Variants in PASD1 observed in about 807,000 individuals in gnomAD.
The protein encoded by PASD1 is circadian clock protein PASD1.
PASD1 carries 13 observed loss-of-function variants against 58.8 expected under a neutral mutation model. The ratio of observed to expected loss-of-function variants is 0.22; its 90% confidence interval spans 0.14 to 0.35. The LOEUF (loss-of-function observed/expected upper bound fraction) is 0.35, where lower values mean the gene tolerates loss of function less well. Among genes scored for constraint, PASD1 ranks in the 10% least tolerant of loss-of-function variants. The pLI is 1.00. For missense variants in PASD1, 734 were observed against 568.3 expected (o/e 1.29, Z -2.96); for synonymous variants, 236 against 216.7 (o/e 1.09, Z -0.78).
At chrX:151,576,696 CGTGT>C (rs1569397728) in intron 1 of PASD1, among the ~76,000 whole-genome samples, 1 of 111,498 alleles carries the variant, frequency 9.0e-6, no homozygotes, top group Admixed American at 9.5e-5. Flanking sequence ...TGTGTGCACA[CGTGT>C]GTATGTGTAC....
chrX:151,671,300 T>C, intron 12 of PASD1, 104 bp downstream of exon 12: 1 of 936,548 alleles, frequency 1.1e-6, no homozygotes, highest in Non-Finnish European at 1.5e-6. Context: ...TAGTCAATGG[T>C]GTCTGCCGGT....
At chrX:151,568,973 C>G (rs2012888519) in intron 1 of PASD1, among the ~76,000 whole-genome samples, 1 of 111,541 alleles carries the variant, frequency 9.0e-6, no homozygotes, top group African/African-American at 3.3e-5. Context: ...CCCAAGATCA[C>G]ACAGCTAGTG....
At chrX:151,611,081 C>T (rs56035326) in intron 3 of PASD1, among the ~76,000 whole-genome samples, 42,397 of 110,236 alleles carry the variant, frequency 0.38, 6,160 homozygotes, top group African/African-American at 0.44. Flanking sequence ...TAATATTCTC[C>T]AGTGTCTTAA....
chrX:151,616,684 CTT>C (rs1458197974), intron 4 of PASD1, among the ~76,000 whole-genome samples: 1 of 111,328 alleles, frequency 9.0e-6, no homozygotes, highest in Non-Finnish European at 1.9e-5. Context: ...GCAAATGAAA[CTT>C]TTAAAACGTA....
At chrX:151,585,012 T>A (rs768792052) in intron 1 of PASD1, among the ~76,000 whole-genome samples, 1 of 112,120 alleles carries the variant, frequency 8.9e-6, no homozygotes, top group African/African-American at 3.2e-5. Context: ...CAATGCTTTG[T>A]GTCTGTGGTG....
chrX:151,675,848 C>T (rs1388481295), intron 15 of PASD1, 149 bp from the exon 16 acceptor site: 3 of 604,705 alleles, frequency 5.0e-6, no homozygotes, highest in East Asian at 6.6e-5. Flanking sequence ...TCTGTAGCTC[C>T]TCCGTCTCCC....
intron 1 of PASD1, among the ~76,000 whole-genome samples, chrX:151,564,118 G>A (rs2012790134): frequency 8.9e-6 from 1 of 112,933 alleles, no homozygotes; most frequent in African/African-American, 3.2e-5. Flanking sequence ...ACCATAGGAG[G>A]CACCCATTGA....
At chrX:151,670,630 C>G (rs945747984) in intron 11 of PASD1, among the ~76,000 whole-genome samples, 4 of 111,894 alleles carry the variant, frequency 3.6e-5, no homozygotes, top group Non-Finnish European at 7.5e-5. Context: ...AGAAGAGTGC[C>G]TGGAACAAAG....
intron 9 of PASD1, among the ~76,000 whole-genome samples, chrX:151,657,552 A>G (rs1408572032): frequency 2.7e-5 from 3 of 111,648 alleles, no homozygotes; most frequent in African/African-American, 9.8e-5. Flanking sequence ...TTATTGGTCT[A>G]TTCAGGGATT....
chrX:151,582,273 G>A (rs1448698640), intron 1 of PASD1, among the ~76,000 whole-genome samples: 4 of 110,714 alleles, frequency 3.6e-5, no homozygotes, highest in Non-Finnish European at 7.6e-5. Flanking sequence ...TTGAGCCACC[G>A]CACCTGGCCC....
At chrX:151,640,754 G>A (rs757069492) in intron 8 of PASD1, among the ~76,000 whole-genome samples, 1 of 111,705 alleles carries the variant, frequency 9.0e-6, no homozygotes, top group Non-Finnish European at 1.9e-5. Context: ...GCATATTCCA[G>A]TGACTCACCA....
chrX:151,645,087 A>G (rs748325000), intron 8 of PASD1, among the ~76,000 whole-genome samples: 6 of 111,645 alleles, frequency 5.4e-5, no homozygotes, highest in African/African-American at 1.3e-4. Flanking sequence ...AAGATTTTAC[A>G]TTTCAGACAG....
rs912606440 is a variant in PASD1, at chrX:151,672,171, C to T, written c.1438-12C>T. ...ACACCAGGGTGCTTTTATCTGTTGC[C>T]TTTCGATGCAGCAGCAACTGGTGCA... is the stretch of plus-strand genomic sequence containing the variant. On this transcript the variant is annotated splice_polypyrimidine_tract_variant and intron_variant, in intron 13 of 15. Transcript: ENST00000370357. 82 of 1,140,943 alleles carry T rather than the reference C, an allele frequency of 7.2e-5. No individual in the cohort carries two copies. The highest frequency in any genetic ancestry group is 9.1e-5 in the Non-Finnish European group (79 of 864,546). The allele number at this position is 1,140,943 out of a possible 1,213,427, so 94.0% of individuals were successfully genotyped here.
chrX:151,628,381 T>A (rs1173991274), intron 8 of PASD1, among the ~76,000 whole-genome samples: 2 of 112,372 alleles, frequency 1.8e-5, no homozygotes, highest in Non-Finnish European at 3.8e-5. Context: ...TTAATTTTTG[T>A]ATAAGGTGTA....
chrX:151,648,780 A>G, intron 9 of PASD1, 78 bp downstream of exon 9: 1 of 1,073,193 alleles, frequency 9.3e-7, no homozygotes, highest in African/African-American at 1.8e-5. Context: ...AATGTGTGTT[A>G]CCAAGAAGTA....
At chrX:151,671,873 A>G in intron 13 of PASD1, 94 bp downstream of exon 13, 1 of 948,073 alleles carries the variant, frequency 1.1e-6, no homozygotes, top group South Asian at 2.3e-5. Flanking sequence ...GGTAGTGACT[A>G]TCCACTTGGC....
At chrX:151,638,585 G>T (rs1433084022) in intron 8 of PASD1, among the ~76,000 whole-genome samples, 2 of 111,462 alleles carry the variant, frequency 1.8e-5, no homozygotes, top group African/African-American at 6.5e-5. Context: ...TATGCATTCT[G>T]GATACAAGTT....
At chrX:151,573,303 A>G (rs1342705169) in intron 1 of PASD1, among the ~76,000 whole-genome samples, 1 of 111,586 alleles carries the variant, frequency 9.0e-6, no homozygotes, top group Admixed American at 9.5e-5. Context: ...TATTCAAACT[A>G]TATCATCATC....
intron 4 of PASD1, among the ~76,000 whole-genome samples, chrX:151,618,926 T>G: frequency 9.0e-6 from 1 of 111,084 alleles, no homozygotes; most frequent in Middle Eastern, 4.7e-3. Context: ...TATAAAGACT[T>G]TGGCTTTTAT....
Sources: allele counts gnomAD v4.1 joint callset (sites outside exome capture counted in the v4.1 genomes callset), GRCh38; gene constraint gnomAD v4.1.1; transcripts MANE v1.5; gene names NCBI Gene and HGNC (gene_info 2026-07-23, HGNC 2026-07-21).